Variants in AVEN observed in about 807,000 individuals in gnomAD.
The protein encoded by AVEN is cell death regulator Aven.
Under a neutral mutation model 38.1 loss-of-function variants are expected in AVEN, and 41 were observed. That is an observed-to-expected ratio of 1.08 (90% CI 0.84 to 1.40). The LOEUF is 1.40. Ranked by LOEUF, AVEN falls within the 40% of genes most tolerant of loss-of-function variation. The pLI, the probability that AVEN is intolerant of heterozygous loss-of-function variation, is 0.00. For synonymous variants in AVEN, 206 were observed against 171.8 expected, an observed-to-expected ratio of 1.20 and a Z score of -1.56; for missense variants, 605 against 438.8, an observed-to-expected ratio of 1.38 and a Z score of -3.38.
chr15:34,038,869 G>A lies in AVEN; in HGVS notation c.178C>T (p.Arg60Cys). ...RRGRGRGRGF[R>C]GARGGRGGGG... ...CCTCCTCGGCCTCCGCGAGCGCCGC[G>A]GAAGCCCCGGCCACGGCCACGGCCC... Residue 60 changes from arginine to cysteine, a missense_variant, in exon 1 of 6, where the codon CGC becomes TGC. By Grantham distance (180) the Arg-to-Cys change is radical (BLOSUM62 -3). Coordinates refer to ENST00000306730, the MANE Select transcript of AVEN (RefSeq NM_020371.3). 1 of 1,149,656 alleles carries A rather than the reference G, an allele frequency of 8.7e-7. No individual in the cohort carries two copies. The highest frequency in any genetic ancestry group is 4.1e-5 in the South Asian group (1 of 24,524). 71.2% of individuals were successfully genotyped at this position (1,149,656 alleles called of 1,614,324 possible).
chr15:33,875,518 T>C (rs967348692), intron 3 of AVEN, among the ~76,000 whole-genome samples: 1 of 152,206 alleles, frequency 6.6e-6, no homozygotes, highest in Non-Finnish European at 1.5e-5. Context: ...AGAAGTGTTA[T>C]TTAAAGCTGC....
intron 2 of AVEN, among the ~76,000 whole-genome samples, chr15:33,906,688 A>G (rs1892712391): frequency 6.6e-6 from 1 of 152,226 alleles, no homozygotes. Context: ...AGTCAGACTC[A>G]TAGAGACAGA....
chr15:33,901,338 C>T (rs1892491757), intron 2 of AVEN, among the ~76,000 whole-genome samples: 1 of 152,222 alleles, frequency 6.6e-6, no homozygotes, highest in African/African-American at 2.4e-5. Flanking sequence ...GATATTCACA[C>T]ACTAGAAGTC....
chr15:33,940,881 A>C (rs907454169), intron 2 of AVEN, among the ~76,000 whole-genome samples: 2 of 152,146 alleles, frequency 1.3e-5, no homozygotes, highest in African/African-American at 4.8e-5. Context: ...TAGGGATTCA[A>C]CCTCATCTGA....
intron 2 of AVEN, chr15:33,969,027 T>G (rs1895515141): frequency 3.3e-5 from 5 of 152,016 alleles, no homozygotes; most frequent in Admixed American, 3.3e-4. Flanking sequence ...ATAAAGACAC[T>G]GCAAGAAATA....
intron 2 of AVEN, among the ~76,000 whole-genome samples, chr15:33,977,568 T>C (rs1895941121): frequency 6.6e-6 from 1 of 152,182 alleles, no homozygotes. Flanking sequence ...CTTGCTCTCC[T>C]CCAAGGACAC....
intron 1 of AVEN, among the ~76,000 whole-genome samples, chr15:34,070,810 AG>A (rs1414296735): frequency 2.0e-5 from 3 of 152,238 alleles, no homozygotes; most frequent in African/African-American, 4.8e-5. Flanking sequence ...AAGAGGGCAC[AG>A]CCAGTATTAT....
chr15:33,983,140 G>GTGTGTGTGTGTGTGTGTA lies in AVEN; in HGVS notation c.445+19891_445+19892insTACACACACACACACACA, dbSNP rs1555512721. 1.8e-3 allele frequency among the ~76,000 whole-genome samples: 211 copies of GTGTGTGTGTGTGTGTGTA among 118,366 alleles called. 1 individual carries two copies. Among genetic ancestry groups the GTGTGTGTGTGTGTGTGTA allele is most frequent in the African/African-American group, 8.7e-3 (194 of 22,264 alleles). 77.7% of individuals were successfully genotyped at this position (118,366 alleles called of 152,430 possible). On this transcript the variant is annotated intron_variant, in intron 2 of 5. Coordinates refer to ENST00000306730, the MANE Select transcript of AVEN (RefSeq NM_020371.3). The stretch of plus-strand genomic sequence containing the variant: ...ATATGTCCATACTCTGTGTGTGTGT[G>GTGTGTGTGTGTGTGTGTA]TGTGTGTGTGTGTGTGTGTATGTGT...
upstream of AVEN, among the ~76,000 whole-genome samples, chr15:34,041,264 AC>A (rs1899465447): frequency 6.6e-6 from 1 of 152,110 alleles, no homozygotes; most frequent in Non-Finnish European, 1.5e-5. Flanking sequence ...AGAGGCAATC[AC>A]CCTGGATGAG....
At chr15:33,938,875 C>G (rs1797206454) in intron 2 of AVEN, among the ~76,000 whole-genome samples, 1 of 151,992 alleles carries the variant, frequency 6.6e-6, no homozygotes, top group Non-Finnish European at 1.5e-5. Flanking sequence ...GAGTTTCACT[C>G]TTGTTGCCGA....
At chr15:33,894,679 GTGTA>G (rs1892144357) in intron 2 of AVEN, among the ~76,000 whole-genome samples, 1 of 87,782 alleles carries the variant, frequency 1.1e-5, no homozygotes, top group African/African-American at 5.0e-5. Flanking sequence ...GCATGGCAGC[GTGTA>G]CCTGTAGTCC....
intron 5 of AVEN, among the ~76,000 whole-genome samples, chr15:34,060,876 C>T (rs539584220): frequency 2.0e-5 from 3 of 151,546 alleles, no homozygotes; most frequent in Non-Finnish European, 2.9e-5. Flanking sequence ...GTTAGCCGGG[C>T]GTGGTGGCAG....
chr15:33,990,473 T>C (rs1247078757), intron 2 of AVEN, among the ~76,000 whole-genome samples: 1 of 152,330 alleles, frequency 6.6e-6, no homozygotes, highest in East Asian at 1.9e-4. Context: ...TATAAGTCAT[T>C]TGATAACCAG....
chr15:34,004,606 T>C (rs1897262579), intron 1 of AVEN, among the ~76,000 whole-genome samples: 3 of 149,154 alleles, frequency 2.0e-5, no homozygotes, highest in Admixed American at 2.0e-4. Flanking sequence ...TTTTTTAAAG[T>C]GTTGTTAACT....
intron 2 of AVEN, among the ~76,000 whole-genome samples, chr15:33,990,090 G>A (rs1896653697): frequency 6.6e-6 from 1 of 151,922 alleles, no homozygotes; most frequent in Non-Finnish European, 1.5e-5. Flanking sequence ...TATAATCCCA[G>A]CTACTCAGGA....
chr15:34,064,060 T>C, intron 4 of AVEN: 2 of 1,614,192 alleles, frequency 1.2e-6, no homozygotes, highest in South Asian at 1.1e-5. Flanking sequence ...AGTGCCATTC[T>C]CCTGGCCTTC....
intron 2 of AVEN, among the ~76,000 whole-genome samples, chr15:33,885,336 G>C (rs117501771): frequency 0.015 from 2,347 of 152,246 alleles, 28 homozygotes; most frequent in Middle Eastern, 0.037. Context: ...CGCTGACACA[G>C]ATCAATCCAG....
At chr15:33,965,187 A>C (rs1385338484) in intron 2 of AVEN, among the ~76,000 whole-genome samples, 7 of 152,214 alleles carry the variant, frequency 4.6e-5, no homozygotes, top group Admixed American at 6.5e-5. Context: ...ATGTGCTAAA[A>C]ATGGCATGGC....
intron 2 of AVEN, among the ~76,000 whole-genome samples, chr15:33,954,584 T>C (rs1273762800): frequency 2.2e-5 from 3 of 135,770 alleles, no homozygotes; most frequent in Admixed American, 8.4e-5. Context: ...TTCTCACTCA[T>C]AGGAGGGAAT....
Sources: allele counts gnomAD v4.1 joint callset (sites outside exome capture counted in the v4.1 genomes callset), GRCh38; gene constraint gnomAD v4.1.1; transcripts MANE v1.5; gene names NCBI Gene and HGNC (gene_info 2026-07-23, HGNC 2026-07-21).